The following UROC1 variants were observed in gnomAD, a reference collection of about 807,000 sequenced individuals.
UROC1 encodes the protein urocanate hydratase 1.
In UROC1, 79 loss-of-function variants were observed where a neutral mutation model predicts 89.5. The ratio of observed to expected loss-of-function variants is 0.88; its 90% CI spans 0.74 to 1.06. The LOEUF is 1.06. Among genes scored for constraint, UROC1 ranks in the 50% least tolerant of loss-of-function variants. UROC1 has a pLI of 0.00. For missense variants in UROC1, 885 were observed against 907.8 expected, an observed-to-expected ratio of 0.97 and a Z score of 0.32; for synonymous variants, 361 against 354.8, an observed-to-expected ratio of 1.02 and a Z score of -0.20.
At chr3:126,486,726 C>T (rs1256179345) in intron 18 of UROC1, among the ~76,000 whole-genome samples, 1 of 152,174 alleles carries the variant, frequency 6.6e-6, no homozygotes. Context: ...GAAACTGCTG[C>T]AGAGTTGCGG....
At chr3:126,515,620 A>ACCCCTT (rs1936291607) in intron 1 of UROC1, among the ~76,000 whole-genome samples, 2 of 34,698 alleles carry the variant, frequency 5.8e-5, no homozygotes, top group African/African-American at 2.6e-4. Flanking sequence ...CCCACCACCT[A>ACCCCTT]CCATCCCCCA....
intron 18 of UROC1, among the ~76,000 whole-genome samples, chr3:126,484,512 C>T (rs1195532905): frequency 6.6e-6 from 1 of 152,224 alleles, no homozygotes; most frequent in East Asian, 1.9e-4. Flanking sequence ...AAATGTGCAT[C>T]TAGTTTCCCT....
At position 126,500,024 on chromosome 3, in the gene UROC1, C is replaced by CCCTCCCTCCT. The variant is rs771330501; in HGVS notation, c.1243+23_1243+32dup. 55 of 1,583,400 alleles carry CCCTCCCTCCT rather than the reference C, an allele frequency of 3.5e-5. 1 individual carries two copies. In the Admixed American group the frequency reaches 8.0e-4, roughly 23 times the overall value. The stretch of plus-strand genomic sequence containing the variant: ...GAGAGGCTGGGCCCAGGGTGGTGGC[C>CCCTCCCTCCT]CCTCCCTCCTCCTCCCTCCTCCTTC... On this transcript the variant is annotated intron_variant, in intron 12 of 19. Transcript: ENST00000290868.
intron 15 of UROC1, among the ~76,000 whole-genome samples, chr3:126,494,790 A>C (rs1576716032): frequency 6.6e-6 from 1 of 151,448 alleles, no homozygotes. Context: ...CACATGCTGG[A>C]CCCCTTCCCT....
chr3:126,500,168 T>C lies in UROC1; in HGVS notation c.1146-14A>G, dbSNP rs1935883501. On this transcript the variant is annotated splice_polypyrimidine_tract_variant and intron_variant, in intron 11 of 19. Coordinates refer to ENST00000290868, the MANE Select transcript of UROC1 (RefSeq NM_144639.3). ...TGCCTCCTCAGGCTGCAACAAGCCA[T>C]GGGTCAGCACCACCGCTGTGAGGCC... is the stretch of plus-strand genomic sequence containing the variant. 1 of 1,612,938 alleles carries C rather than the reference T, an allele frequency of 6.2e-7. No homozygotes were observed. The highest frequency in any genetic ancestry group is 1.1e-5 in the South Asian group (1 of 91,076).
At chr3:126,501,899 C>A (rs764003455) in intron 9 of UROC1, 1 of 1,599,280 alleles carries the variant, frequency 6.3e-7, no homozygotes, top group Admixed American at 1.7e-5. Flanking sequence ...CCCAGGGCAG[C>A]AGGGAGGCCG....
At position 126,496,049 on chromosome 3, in the gene UROC1, T is replaced by C; in HGVS notation, c.1498A>G (p.Arg500Gly). 1 of 1,613,296 alleles carries C rather than the reference T, an allele frequency of 6.2e-7. No homozygotes were observed. ...DNIRWIREAA[R>G]HRLVVGSQAR... ...GCCTGGGCCCTCACCAGCCGGTGCCTGGCGGCCTCCCGGATCCAGCGGATG... is the reference window on the plus strand; with the variant it reads ...GCCTGGGCCCTCACCAGCCGGTGCCCGGCGGCCTCCCGGATCCAGCGGATG... Residue 500 changes from arginine (R) to glycine (G), a missense_variant, in exon 15 of 20, where the codon AGG becomes GGG. Arg to Gly is a moderately radical substitution (Grantham distance 125). Coordinates refer to ENST00000290868, the MANE Select transcript of UROC1 (RefSeq NM_144639.3).
At chr3:126,508,164 C>A in intron 4 of UROC1, 69 bp from the exon 5 acceptor site, 3 of 1,611,490 alleles carry the variant, frequency 1.9e-6, no homozygotes, top group South Asian at 1.1e-5. Flanking sequence ...CCCACACCAC[C>A]GTCCACGCCT....
intron 11 of UROC1, 32 bp from the exon 12 acceptor site, chr3:126,500,186 G>A (rs75320585): frequency 6.2e-7 from 1 of 1,608,880 alleles, no homozygotes; most frequent in Non-Finnish European, 8.5e-7. Context: ...CACCACCGCT[G>A]TGAGGCCCTG....
intron 16 of UROC1, among the ~76,000 whole-genome samples, chr3:126,490,683 G>A (rs867451547): frequency 2.6e-5 from 4 of 151,158 alleles, no homozygotes; most frequent in Middle Eastern, 6.8e-3. Context: ...AAAAAAAAAA[G>A]AGGAAAGAAA....
At chr3:126,498,316 G>A in intron 13 of UROC1, 144 bp from the exon 14 acceptor site, 1 of 1,407,050 alleles carries the variant, frequency 7.1e-7, no homozygotes, top group Admixed American at 1.8e-5. Context: ...GAAAGTTCCA[G>A]GGGCCTCCCT....
chr3:126,509,708 C>A (rs1462011294), intron 2 of UROC1, 30 bp from the exon 3 acceptor site: 1 of 1,544,290 alleles, frequency 6.5e-7, no homozygotes, highest in Non-Finnish European at 8.8e-7. Context: ...CACCAGGCTG[C>A]CCTTCCCGCC....
In UROC1 at chr3:126,496,096, A is replaced by G. The variant is rs758940505; in HGVS notation, c.1451T>C (p.Val484Ala). Residue 484 changes from valine (V) to alanine (A), a missense_variant, in exon 15 of 20, where the codon GTG (valine) becomes GCG (alanine). Transcript: ENST00000290868. ...GATGTTGTCCATGTACTGCAGCTTCACAGACACCTTCACTGCAGGAGAGAG... is the reference window on the plus strand; with the variant it reads ...GATGTTGTCCATGTACTGCAGCTTCGCAGACACCTTCACTGCAGGAGAGAG... ...EAIADGVKVSVKLQYMDNIRW... is the reference protein window; with the variant it reads ...EAIADGVKVSAKLQYMDNIRW... 2.5e-6 allele frequency: 4 copies of G among 1,613,206 alleles called. No homozygotes were observed. Among genetic ancestry groups the G allele is most frequent in the South Asian group, 2.2e-5 (2 of 90,916 alleles).
chr3:126,508,387 TG>T (rs1560126742), intron 4 of UROC1, 28 bp downstream of exon 4: 1 of 1,610,664 alleles, frequency 6.2e-7, no homozygotes, highest in South Asian at 1.1e-5. Context: ...AGGCCAGGGG[TG>T]GGGACGAGGC....
At chr3:126,514,880 T>C (rs1467320272) in intron 1 of UROC1, among the ~76,000 whole-genome samples, 1 of 151,786 alleles carries the variant, frequency 6.6e-6, no homozygotes, top group Non-Finnish European at 1.5e-5. Flanking sequence ...CTTCAGAAGG[T>C]GAACTGGGGA....
intron 18 of UROC1, among the ~76,000 whole-genome samples, chr3:126,483,999 G>A (rs1450233216): frequency 9.9e-6 from 1 of 101,404 alleles, no homozygotes; most frequent in Non-Finnish European, 2.3e-5. Context: ...TTATAGGCAT[G>A]GGCCACTGTG....
chr3:126,515,183 A>G (rs10804576), intron 1 of UROC1, among the ~76,000 whole-genome samples: 70,260 of 151,972 alleles, frequency 0.46, 18,809 homozygotes, highest in East Asian at 0.59. Context: ...TCACAGCCAC[A>G]GGGCGCCGCA....
chr3:126,493,151 C>T (rs1014605995), intron 15 of UROC1, among the ~76,000 whole-genome samples: 5 of 152,248 alleles, frequency 3.3e-5, no homozygotes, highest in Admixed American at 6.5e-5. Context: ...ACAGCTTCAG[C>T]GCATGAAATG....
chr3:126,504,068 G>T lies in UROC1; in HGVS notation c.829C>A (p.Leu277Ile). ...CAGCCCTGCCTGTGGCGTTTCTCAA[G>T]GGCTGCTTTATCCACCTGGGGCCAT... ...GVIAEVDKAA[L>I]EKRHRQGWLM... The change falls in exon 9 of 20, where the codon CTT becomes ATT. Residue 277 changes from leucine (L) to isoleucine (I), a missense_variant. Coordinates refer to ENST00000290868, the MANE Select transcript of UROC1 (RefSeq NM_144639.3). 6.2e-6 allele frequency: 10 copies of T among 1,614,024 alleles called. No homozygotes were observed. Among genetic ancestry groups the T allele is most frequent in the Non-Finnish European group, 8.5e-6 (10 of 1,180,028 alleles).
Sources: gnomAD v4.1 joint callset for allele counts (sites outside exome capture counted in the v4.1 genomes callset) on GRCh38, gnomAD v4.1.1 for gene constraint, MANE v1.5 for transcripts, NCBI Gene and HGNC (gene_info 2026-07-23, HGNC 2026-07-21) for gene names.